Variants in PATJ observed in about 807,000 individuals in gnomAD.
The protein encoded by PATJ is PATJ crumbs cell polarity complex component, also known as inaD-like protein.
In PATJ, 190 loss-of-function variants were observed where a neutral mutation model predicts 224.9. That is an observed-to-expected ratio of 0.84 (90% CI 0.75 to 0.95). The LOEUF (loss-of-function observed/expected upper bound fraction) is 0.95, where lower values mean the gene tolerates loss of function less well. PATJ is among the 40% of genes least tolerant of loss of function. The probability of loss-of-function intolerance (pLI) is 0.00; values close to 1 mark genes in which losing one functional copy is unlikely to be tolerated. For synonymous variants in PATJ, 769 were observed against 820.3 expected, an observed-to-expected ratio of 0.94 and a Z score of 1.07; for missense variants, 2,121 against 2,270.3, an observed-to-expected ratio of 0.93 and a Z score of 1.34.
intron 33 of PATJ, among the ~76,000 whole-genome samples, chr1:62,092,746 A>AT (rs1054834510): frequency 4.6e-5 from 7 of 151,142 alleles, no homozygotes; most frequent in Admixed American, 2.0e-4. Context: ...TTATTTATTT[A>AT]TTTTTTTATT....
rs560201767 is a variant in PATJ, at chr1:62,075,786, T to C, written c.4126-3664T>C. On this transcript the variant is annotated intron_variant, in intron 31 of 43. Transcript: ENST00000642238. ...ACAAAAAATTAGCCAGGCGTGGTGG[T>C]GGGTGCCTGTAGTCCCAGCTACTCG... Among the ~76,000 whole-genome samples, 38 of 151,476 alleles carry C rather than the reference T, an allele frequency of 2.5e-4. 1 individual carries two copies. Among genetic ancestry groups the C allele is most frequent in the Non-Finnish European group, 4.3e-4 (29 of 67,854 alleles).
At chr1:61,976,800 G>C (rs1304012977) in intron 27 of PATJ, among the ~76,000 whole-genome samples, 3 of 151,972 alleles carry the variant, frequency 2.0e-5, no homozygotes, top group Non-Finnish European at 4.4e-5. Context: ...CCCAGGTTCA[G>C]TAATTACCAA....
Position 62,148,440 on chromosome 1 carries a change from G to A in PATJ, c.5378+50G>A, listed in dbSNP as rs2774939. The A allele has an allele frequency of 6.8e-3, 9,313 of 1,379,152 alleles. 138 individuals carry two copies. Among genetic ancestry groups the A allele is most frequent in the African/African-American group, 0.058 (4,070 of 70,350 alleles). The allele number at this position is 1,379,152 out of a possible 1,614,324, so 85.4% of individuals were successfully genotyped here. ...CTATTATGCATGTGGGCAAAGCTCG[G>A]AAGAACTTTTCCAGACACTCAAGTG... On this transcript the variant is annotated intron_variant, in intron 42 of 43. Coordinates refer to ENST00000642238, the MANE Select transcript of PATJ (RefSeq NM_001350145.3).
chr1:61,802,925 G>A (rs924865529), intron 12 of PATJ, among the ~76,000 whole-genome samples: 2 of 152,062 alleles, frequency 1.3e-5, no homozygotes, highest in Non-Finnish European at 2.9e-5. Flanking sequence ...CCATGTTCCC[G>A]AGAAGTTTTG....
At chr1:61,973,178 C>G (rs1683209681) in intron 27 of PATJ, among the ~76,000 whole-genome samples, 1 of 151,950 alleles carries the variant, frequency 6.6e-6, no homozygotes, top group Non-Finnish European at 1.5e-5. Flanking sequence ...CACTCTGGGC[C>G]AGAAACTCTG....
intron 27 of PATJ, among the ~76,000 whole-genome samples, chr1:61,980,649 T>C (rs1644402740): frequency 6.6e-6 from 1 of 152,080 alleles, no homozygotes. Context: ...AAAACCATTC[T>C]CTATACATTT....
At chr1:61,997,652 C>T (rs1645443870) in intron 28 of PATJ, among the ~76,000 whole-genome samples, 1 of 151,846 alleles carries the variant, frequency 6.6e-6, no homozygotes, top group South Asian at 2.1e-4. Context: ...GAATTCATTA[C>T]CGTTTTGTAT....
In PATJ at chr1:61,812,321, C is replaced by T. The variant is rs865948306; in HGVS notation, c.1683+3791C>T. On this transcript the variant is annotated intron_variant, in intron 14 of 43. Transcript: ENST00000642238. ...TCTGTCCAGAGAGGTCTTACCGTGC[C>T]TGCTAATGTGGTGATAGAGGAAGGG... Among the ~76,000 whole-genome samples, 7 of 144,192 alleles carry T rather than the reference C, an allele frequency of 4.9e-5. No homozygotes were observed. The South Asian group carries it at 1.5e-3, about 32-fold the overall frequency. The allele number at this position is 144,192 out of a possible 152,430, so 94.6% of individuals were successfully genotyped here. A position where few individuals can be genotyped will look rare whatever the true frequency, so the allele number is the denominator to read the frequency against.
At chr1:62,019,518 C>CA (rs974330468) in intron 29 of PATJ, among the ~76,000 whole-genome samples, 2,050 of 140,802 alleles carry the variant, frequency 0.015, 59 homozygotes, top group African/African-American at 0.049. Flanking sequence ...GTCTCTGTCT[C>CA]AAAAAAAAAA....
intron 3 of PATJ, among the ~76,000 whole-genome samples, chr1:61,764,733 CAT>C (rs1243268091): frequency 1.3e-5 from 2 of 152,172 alleles, no homozygotes. Context: ...TTAAATTCTA[CAT>C]GTGTCTTTCT....
chr1:62,039,959 A>G (rs1337324708), intron 30 of PATJ, among the ~76,000 whole-genome samples: 1 of 151,736 alleles, frequency 6.6e-6, no homozygotes, highest in Non-Finnish European at 1.5e-5. Context: ...GCCCATAGAA[A>G]TCAGCTGTTA....
intron 20 of PATJ, among the ~76,000 whole-genome samples, chr1:61,872,787 A>G (rs1326731606): frequency 6.6e-6 from 1 of 152,176 alleles, no homozygotes; most frequent in African/African-American, 2.4e-5. Context: ...GAAGCGCCCC[A>G]CTACAGTGTT....
At chr1:61,834,389 T>C (rs765082962) in intron 17 of PATJ, among the ~76,000 whole-genome samples, 2 of 152,228 alleles carry the variant, frequency 1.3e-5, no homozygotes, top group African/African-American at 2.4e-5. Context: ...TATTTATTTA[T>C]AGCTACTCCA....
Position 61,856,158 on chromosome 1 carries a change from C to T in PATJ, c.2241C>T (p.Asn747=), listed in dbSNP as rs1570921314. 6.2e-7 allele frequency: 1 copy of T among 1,614,156 alleles called. No homozygotes were observed. Among genetic ancestry groups the T allele is most frequent in the Non-Finnish European group, 8.5e-7 (1 of 1,179,984 alleles). ...CAGTCAATGAATACTGTTTGGACAA[C>T]ACCTCACTTGCTGAAGCTGTGGAAA... ...LVSVNEYCLD[N]TSLAEAVEIL... is the part of the protein sequence containing the mutation. Residue 747 remains asparagine (N), a synonymous_variant, in exon 18 of 44, where the codon AAC becomes AAT. Coordinates refer to ENST00000642238, the MANE Select transcript of PATJ (RefSeq NM_001350145.3).
chr1:61,982,181 A>G (rs958457289), intron 27 of PATJ, among the ~76,000 whole-genome samples: 3 of 152,040 alleles, frequency 2.0e-5, no homozygotes, highest in Non-Finnish European at 4.4e-5. Context: ...GTCAGAACAC[A>G]TAATCCTGCT....
At chr1:61,942,324 T>A (rs1473707228) in intron 27 of PATJ, among the ~76,000 whole-genome samples, 1 of 152,188 alleles carries the variant, frequency 6.6e-6, no homozygotes, top group Non-Finnish European at 1.5e-5. Context: ...ACTAACTCAA[T>A]TTTTGAAAAT....
intron 27 of PATJ, among the ~76,000 whole-genome samples, chr1:61,938,796 A>AT (rs1377714092): frequency 6.6e-6 from 1 of 151,966 alleles, no homozygotes; most frequent in Non-Finnish European, 1.5e-5. Flanking sequence ...AATTTAGAGC[A>AT]TAAAAAAATT....
chr1:61,889,019 T>G (rs1669240605), intron 22 of PATJ, among the ~76,000 whole-genome samples: 1 of 152,156 alleles, frequency 6.6e-6, no homozygotes, highest in Non-Finnish European at 1.5e-5. Context: ...CTTCTTTTAA[T>G]CTTTAAGGGT....
intron 1 of PATJ, among the ~76,000 whole-genome samples, chr1:61,756,087 C>T (rs946563320): frequency 2.0e-5 from 3 of 152,320 alleles, no homozygotes; most frequent in African/African-American, 7.2e-5. Context: ...GCCACCGCAC[C>T]TGGCCACCAA....
Sources: allele counts gnomAD v4.1 joint callset (sites outside exome capture counted in the v4.1 genomes callset), GRCh38; gene constraint gnomAD v4.1.1; transcripts MANE v1.5; gene names NCBI Gene and HGNC (gene_info 2026-07-23, HGNC 2026-07-21).